The following SLIT2 variants were observed in gnomAD, a reference collection of about 807,000 sequenced individuals.
The protein encoded by SLIT2 is slit homolog 2 protein.
SLIT2 carries 41 observed loss-of-function variants against 185.7 expected under a neutral mutation model. That is an observed-to-expected ratio of 0.22 (90% CI 0.17 to 0.29). The LOEUF (loss-of-function observed/expected upper bound fraction) is 0.29, where lower values mean the gene tolerates loss of function less well. SLIT2 is among the 10% of genes least tolerant of loss of function. The probability of loss-of-function intolerance (pLI) is 1.00; values close to 1 mark genes in which losing one functional copy is unlikely to be tolerated. For synonymous variants in SLIT2, 693 were observed against 680.2 expected (o/e 1.02, Z -0.29); for missense variants, 1,571 against 1,909.0 (o/e 0.82, Z 3.30).
At chr4:20,378,366 A>G (rs1353692853) in intron 4 of SLIT2, among the ~76,000 whole-genome samples, 1 of 152,174 alleles carries the variant, frequency 6.6e-6, no homozygotes, top group Admixed American at 6.5e-5. Flanking sequence ...TACAGTTTAC[A>G]TATTTCTTCG....
At chr4:20,282,217 G>T (rs1714843501) in intron 4 of SLIT2, among the ~76,000 whole-genome samples, 3 of 152,038 alleles carry the variant, frequency 2.0e-5, no homozygotes, top group Admixed American at 1.3e-4. Flanking sequence ...GAGAAAAGTG[G>T]TCTCTAATTT....
At chr4:20,399,997 T>C (rs1424512464) in intron 4 of SLIT2, among the ~76,000 whole-genome samples, 2 of 151,652 alleles carry the variant, frequency 1.3e-5, no homozygotes, top group East Asian at 3.9e-4. Context: ...AGGCAGGAGA[T>C]GGAAAAGAGA....
At chr4:20,354,920 A>T (rs1470209567) in intron 4 of SLIT2, among the ~76,000 whole-genome samples, 7 of 150,700 alleles carry the variant, frequency 4.6e-5, no homozygotes, top group African/African-American at 1.2e-4. Context: ...AGAGAGAGAG[A>T]GAGAGAGAGA....
At chr4:20,560,803 A>G (rs56350231) in intron 26 of SLIT2, among the ~76,000 whole-genome samples, 38,994 of 151,722 alleles carry the variant, frequency 0.26, 5,525 homozygotes, top group Non-Finnish European at 0.32. Context: ...ATGGAGATGA[A>G]TGATATGTTT....
intron 4 of SLIT2, among the ~76,000 whole-genome samples, chr4:20,330,751 G>T (rs1411864493): frequency 2.6e-5 from 4 of 151,946 alleles, no homozygotes; most frequent in African/African-American, 9.7e-5. Flanking sequence ...GGGGAACATG[G>T]ATAGTATTAA....
intron 4 of SLIT2, among the ~76,000 whole-genome samples, chr4:20,398,024 G>A (rs1463084070): frequency 6.6e-6 from 1 of 151,764 alleles, no homozygotes; most frequent in Non-Finnish European, 1.5e-5. Context: ...TATATATTAT[G>A]TTTGAGGCAT....
chr4:20,521,691 C>T (rs760253361), intron 12 of SLIT2, among the ~76,000 whole-genome samples: 2 of 152,084 alleles, frequency 1.3e-5, no homozygotes, highest in Non-Finnish European at 2.9e-5. Flanking sequence ...GAAGGTATTA[C>T]ATATACCGGA....
chr4:20,446,919 A>G (rs1711867263), intron 4 of SLIT2, among the ~76,000 whole-genome samples: 1 of 152,238 alleles, frequency 6.6e-6, no homozygotes, highest in Non-Finnish European at 1.5e-5. Flanking sequence ...AAATGAAATT[A>G]TATTTTTGTT....
chr4:20,590,138 A>G (rs1040754331), intron 30 of SLIT2, among the ~76,000 whole-genome samples: 1 of 151,830 alleles, frequency 6.6e-6, no homozygotes, highest in African/African-American at 2.4e-5. Context: ...ATCTCCTGAC[A>G]TCATGATCCG....
At chr4:20,585,911 A>G (rs1398883727) in intron 29 of SLIT2, among the ~76,000 whole-genome samples, 1 of 152,322 alleles carries the variant, frequency 6.6e-6, no homozygotes, top group Non-Finnish European at 1.5e-5. Flanking sequence ...TCACAATACT[A>G]TGAGGTTTGG....
At chr4:20,542,048 G>C (rs1722839998) in intron 20 of SLIT2, among the ~76,000 whole-genome samples, 1 of 152,006 alleles carries the variant, frequency 6.6e-6, no homozygotes, top group Non-Finnish European at 1.5e-5. Flanking sequence ...AGCCCTATCA[G>C]GTACATAGAA....
chr4:20,491,871 A>G lies in SLIT2; in HGVS notation c.886A>G (p.Thr296Ala), dbSNP rs144711721. 1.2e-6 allele frequency: 2 copies of G among 1,613,916 alleles called. No individual in the cohort carries two copies. The highest frequency in any genetic ancestry group is 1.1e-5 in the South Asian group (1 of 91,044). ...TGGGAAAGGTCTCACTGAGATCCCC[A>G]CAAATCTTCCAGAGACCATCACAGA... Reference protein sequence around the residue: ...CRGKGLTEIPTNLPETITEIR... With the variant: ...CRGKGLTEIPANLPETITEIR... Residue 296 changes from threonine (T) to alanine (A), a missense_variant, in exon 9 of 37, where the codon ACA (threonine) becomes GCA (alanine). Physicochemically the swap from Thr to Ala is moderately conservative, Grantham distance 58. Transcript: ENST00000504154.
chr4:20,512,219 A>G (rs1227226463), intron 11 of SLIT2, among the ~76,000 whole-genome samples: 1 of 152,116 alleles, frequency 6.6e-6, no homozygotes, highest in Non-Finnish European at 1.5e-5. Flanking sequence ...GGGGTAGCCA[A>G]TGAGAATGCC....
At chr4:20,515,496 C>T (rs970847200) in intron 11 of SLIT2, among the ~76,000 whole-genome samples, 2 of 152,170 alleles carry the variant, frequency 1.3e-5, no homozygotes, top group Non-Finnish European at 2.9e-5. Flanking sequence ...GACTTTAACA[C>T]TGTACTTAAA....
rs546933887 is a variant in SLIT2 at position 20,488,109 on chromosome 4, G to T, written c.612-710G>T. ...TTTTATTAATGGAGAAGTGCTATTT[G>T]CCACTTGGAAGCAATCCATGATCTT... is the stretch of plus-strand genomic sequence containing the variant. On this transcript the variant is annotated intron_variant, in intron 7 of 36. Coordinates refer to ENST00000504154, the MANE Select transcript of SLIT2 (RefSeq NM_004787.4). 1.9e-4 allele frequency among the ~76,000 whole-genome samples: 29 copies of T among 152,200 alleles called. 1 individual carries two copies. In the East Asian group the frequency reaches 5.6e-3, roughly 29 times the overall value.
intron 4 of SLIT2, among the ~76,000 whole-genome samples, chr4:20,371,353 C>A (rs569444197): frequency 1.3e-4 from 20 of 151,962 alleles, no homozygotes; most frequent in African/African-American, 4.6e-4. Flanking sequence ...ACACACACAC[C>A]CACTCACATT....
chr4:20,358,129 C>A (rs1298786570), intron 4 of SLIT2, among the ~76,000 whole-genome samples: 1 of 152,082 alleles, frequency 6.6e-6, no homozygotes, highest in Non-Finnish European at 1.5e-5. Flanking sequence ...GAAAATCAGA[C>A]CTATCCCTTC....
intron 29 of SLIT2, among the ~76,000 whole-genome samples, chr4:20,579,809 A>G (rs1158109102): frequency 1.3e-5 from 2 of 151,618 alleles, no homozygotes; most frequent in Admixed American, 6.6e-5. Flanking sequence ...TGGACCATAT[A>G]CTATCTTCAT....
intron 4 of SLIT2, among the ~76,000 whole-genome samples, chr4:20,284,421 T>G (rs17535770): frequency 0.025 from 3,786 of 152,288 alleles, 84 homozygotes; most frequent in South Asian, 0.094. Context: ...TGCCTCTCCC[T>G]TCACCACAGA....
Sources: allele counts gnomAD v4.1 joint callset (sites outside exome capture counted in the v4.1 genomes callset), GRCh38; gene constraint gnomAD v4.1.1; transcripts MANE v1.5; gene names NCBI Gene and HGNC (gene_info 2026-07-23, HGNC 2026-07-21).